The following WNK2 variants were observed in gnomAD, a reference collection of about 807,000 sequenced individuals.
WNK2 encodes WNK lysine deficient protein kinase 2, also known as serine/threonine-protein kinase WNK2.
A neutral mutation model predicts 192.1 loss-of-function variants in WNK2; 67 were observed. That is an observed-to-expected ratio of 0.35 (90% CI 0.29 to 0.43). WNK2 has a LOEUF of 0.43. WNK2 is among the 20% of genes least tolerant of loss of function. The pLI is 1.00. For synonymous variants in WNK2, 1,439 were observed against 1,393.9 expected (o/e 1.03, Z -0.72); for missense variants, 2,698 against 3,089.7 (o/e 0.87, Z 3.01).
At chr9:93,201,309 A>G (rs1021970585) in intron 2 of WNK2, among the ~76,000 whole-genome samples, 2 of 152,170 alleles carry the variant, frequency 1.3e-5, no homozygotes, top group African/African-American at 4.8e-5. Context: ...CAGCATTCAC[A>G]CTGGGCTGGA....
intron 28 of WNK2, chr9:93,316,655 G>C (rs1020054355): frequency 2.0e-5 from 3 of 152,238 alleles, no homozygotes; most frequent in African/African-American, 4.8e-5. Context: ...GTCCATTCTT[G>C]TGGGTTTTCT....
chr9:93,198,759 C>T (rs1209250846), intron 2 of WNK2, among the ~76,000 whole-genome samples: 1 of 152,234 alleles, frequency 6.6e-6, no homozygotes, highest in African/African-American at 2.4e-5. Context: ...TGTGCAGTGA[C>T]AGTGAATAGC....
In WNK2 at chr9:93,297,152, CCCCATCCTCCCCTT is replaced by C. The variant is rs941113805; in HGVS notation, c.5709-687_5709-674del. ...CGTCCTCCCCTCGGCGTCATCCCCT[CCCCATCCTCCCCTT>C]CCCATCCTCCCCTCCACATTCTCCT... On this transcript the variant is annotated intron_variant, in intron 23 of 29. Coordinates refer to ENST00000427277, the MANE Select transcript of WNK2 (RefSeq NM_006648.4). Among the ~76,000 whole-genome samples, 8 of 143,516 alleles carry C rather than the reference CCCCATCCTCCCCTT, an allele frequency of 5.6e-5. No individual in the cohort carries two copies. In the East Asian group the frequency reaches 1.8e-3, roughly 32 times the overall value. 94.2% of individuals were successfully genotyped at this position (143,516 alleles called of 152,430 possible).
intron 2 of WNK2, among the ~76,000 whole-genome samples, chr9:93,226,059 T>G (rs1436011413): frequency 6.6e-6 from 1 of 152,236 alleles, no homozygotes; most frequent in African/African-American, 2.4e-5. Context: ...CCGCCTGGCT[T>G]GGTGTCCGTT....
intron 4 of WNK2, among the ~76,000 whole-genome samples, chr9:93,233,058 C>G (rs1358788443): frequency 6.6e-6 from 1 of 151,444 alleles, no homozygotes; most frequent in Non-Finnish European, 1.5e-5. Context: ...GAAATTGGCC[C>G]GGCATGGTGA....
chr9:93,317,486 T>C, intron 28 of WNK2, 34 bp from the exon 29 acceptor site: 1 of 1,608,518 alleles, frequency 6.2e-7, no homozygotes, highest in Non-Finnish European at 8.5e-7. Flanking sequence ...TGCAGCCACG[T>C]GTACCTTCCT....
chr9:93,315,987 T>C (rs1485897389), intron 28 of WNK2: 3 of 152,238 alleles, frequency 2.0e-5, no homozygotes, highest in Non-Finnish European at 4.4e-5. Context: ...TGAGTATATT[T>C]TGATGCAGAG....
chr9:93,264,381 T>C (rs570785861), intron 16 of WNK2, among the ~76,000 whole-genome samples: 2 of 152,204 alleles, frequency 1.3e-5, no homozygotes, highest in Admixed American at 1.3e-4. Flanking sequence ...TGTCCTGTGG[T>C]CCTTGCTTAG....
intron 7 of WNK2, among the ~76,000 whole-genome samples, chr9:93,246,233 C>T (rs1016447839): frequency 1.3e-5 from 2 of 152,164 alleles, no homozygotes; most frequent in Non-Finnish European, 2.9e-5. Context: ...CCGTTTTGCA[C>T]GTCCCTGTCA....
At chr9:93,186,364 G>A (rs1829337073) in intron 2 of WNK2, among the ~76,000 whole-genome samples, 2 of 152,172 alleles carry the variant, frequency 1.3e-5, no homozygotes, top group Admixed American at 6.5e-5. Flanking sequence ...TGCCATCACC[G>A]TGGTGTCAGC....
chr9:93,244,669 G>A (rs1029258373), intron 7 of WNK2, among the ~76,000 whole-genome samples: 1 of 152,176 alleles, frequency 6.6e-6, no homozygotes. Context: ...CCGAGGCCAC[G>A]TGGAGCCTTA....
rs1485594622 is a variant in WNK2, at chr9:93,253,086, A to C, written c.2034+4A>C. The C allele has an allele frequency of 2.1e-6, 3 of 1,435,670 alleles. No homozygotes were observed. Among genetic ancestry groups the C allele is most frequent in the Non-Finnish European group, 2.7e-6 (3 of 1,094,808 alleles). The allele number at this position is 1,435,670 out of a possible 1,614,324, so 88.9% of individuals were successfully genotyped here. A position where few individuals can be genotyped will look rare whatever the true frequency, so the allele number is the denominator to read the frequency against. The stretch of plus-strand genomic sequence containing the variant: ...CTACCAGCAGCCCACGGCTGCAGTG[A>C]GTCAGAGCATCACTCCCACCCCCTT... On this transcript the variant is annotated splice_donor_region_variant and intron_variant, in intron 9 of 29. Transcript: ENST00000427277.
intron 2 of WNK2, among the ~76,000 whole-genome samples, chr9:93,228,738 A>G (rs1303983285): frequency 6.6e-6 from 1 of 152,140 alleles, no homozygotes; most frequent in Non-Finnish European, 1.5e-5. Flanking sequence ...GGGGCCATGC[A>G]GGCTCCCTGG....
intron 3 of WNK2, 123 bp from the exon 4 acceptor site, chr9:93,230,765 G>A (rs1838650279): frequency 5.7e-6 from 5 of 883,222 alleles, no homozygotes; most frequent in Middle Eastern, 3.5e-4. Flanking sequence ...TACCTGTCAC[G>A]GGTATGTGCC....
Position 93,259,676 on chromosome 9 carries a change from A to G in WNK2, c.3066+62A>G. Reference sequence around the variant, plus strand: ...GTCTGGGGACCCTCAGGACCCAGAGATGCAAAGGAGGACAGAGGCAGGCAA... The same window carrying G: ...GTCTGGGGACCCTCAGGACCCAGAGGTGCAAAGGAGGACAGAGGCAGGCAA... On this transcript the variant is annotated intron_variant, in intron 12 of 29. Transcript: ENST00000427277. The surrounding 1 kb of genome is among the most constrained non-coding windows in gnomAD (Gnocchi z 4.8). 7.0e-7 allele frequency: 1 copy of G among 1,422,684 alleles called. No individual in the cohort carries two copies. The highest frequency in any genetic ancestry group is 1.4e-5 in the South Asian group (1 of 69,340). The allele number at this position is 1,422,684 out of a possible 1,614,324, so 88.1% of individuals were successfully genotyped here. A position where few individuals can be genotyped will look rare whatever the true frequency, so the allele number is the denominator to read the frequency against.
Position 93,258,979 on chromosome 9 carries a change from G to A in WNK2, c.2431G>A (p.Asp811Asn), listed in dbSNP as rs757662230. The A allele has an allele frequency of 1.2e-5, 19 of 1,612,422 alleles. No homozygotes were observed. The highest frequency in any genetic ancestry group is 5.0e-5 in the Admixed American group (3 of 59,966). The stretch of plus-strand genomic sequence containing the variant: ...CCCCATCACGCCCCTGGCGGGAATC[G>A]ACGGCCTCCCTCCGGCCCTCCCAGA... Reference protein sequence around the residue: ...VPPITPLAGIDGLPPALPDLP... With the variant: ...VPPITPLAGINGLPPALPDLP... The change falls in exon 12 of 30, where the codon GAC (aspartate) becomes AAC (asparagine). Residue 811 changes from aspartate to asparagine, a missense_variant. Asp to Asn is a conservative substitution (Grantham distance 23, BLOSUM62 1). Transcript: ENST00000427277.
At chr9:93,270,454 G>A (rs1042548917) in intron 19 of WNK2, among the ~76,000 whole-genome samples, 2 of 152,234 alleles carry the variant, frequency 1.3e-5, no homozygotes. Flanking sequence ...CTGGATTGAT[G>A]TGTGACACAG....
At chr9:93,225,797 C>T (rs2131905244) in intron 2 of WNK2, among the ~76,000 whole-genome samples, 1 of 152,302 alleles carries the variant, frequency 6.6e-6, no homozygotes, top group Admixed American at 6.5e-5. Flanking sequence ...CATGCTGTTT[C>T]CCAGAGAAGG....
At position 93,259,738 on chromosome 9, in the gene WNK2, G is replaced by C; in HGVS notation, c.3066+124G>C. The C allele has an allele frequency of 1.1e-6, 1 of 934,750 alleles. No homozygotes were observed. The highest frequency in any genetic ancestry group is 1.6e-6 in the Non-Finnish European group (1 of 643,680). The allele number at this position is 934,750 out of a possible 1,614,324, so 57.9% of individuals were successfully genotyped here. On this transcript the variant is annotated intron_variant, in intron 12 of 29. Transcript: ENST00000427277. This position sits in a 1 kb window ranked among gnomAD's most constrained non-coding sequence, Gnocchi z 4.8. ...TGCCTGGGGTCGCCCCTCTCAGGAA[G>C]AGATGTGTGTGAGGCTGAGGGAGGC...
Sources: gnomAD v4.1 joint callset for allele counts (sites outside exome capture counted in the v4.1 genomes callset) on GRCh38, gnomAD v4.1.1 for gene constraint, Gnocchi (gnomAD v3.1) non-coding constraint, MANE v1.5 for transcripts, NCBI Gene and HGNC (gene_info 2026-07-23, HGNC 2026-07-21) for gene names.